Variants in ENOSF1 observed in about 807,000 individuals in gnomAD.
The protein encoded by ENOSF1 is enolase superfamily member 1.
Under a neutral mutation model 68.2 loss-of-function variants are expected in ENOSF1, and 73 were observed. That is an observed-to-expected ratio of 1.07 (90% CI 0.89 to 1.30). The LOEUF is 1.30. ENOSF1 is among the 50% of genes most tolerant of loss of function. ENOSF1 has a pLI of 0.00. For synonymous variants in ENOSF1, 223 were observed against 210.4 expected (o/e 1.06, Z -0.52); for missense variants, 589 against 554.5 (o/e 1.06, Z -0.62).
At chr18:706,240 G>C (rs188987100) in intron 2 of ENOSF1, among the ~76,000 whole-genome samples, 194 of 152,160 alleles carry the variant, frequency 1.3e-3, no homozygotes, top group Non-Finnish European at 2.1e-3. Flanking sequence ...TTTTCTAACA[G>C]GCTAGAGATG....
intron 14 of ENOSF1, among the ~76,000 whole-genome samples, chr18:675,885 A>T (rs1296628651): frequency 6.6e-6 from 1 of 152,084 alleles, no homozygotes; most frequent in Non-Finnish European, 1.5e-5. Context: ...AGGAAGCATT[A>T]GCACTGTGAG....
In ENOSF1 at chr18:674,348, T is replaced by C; in HGVS notation, c.1289A>G (p.Asp430Gly). ...AAGGAGTTTCTTCCAAACTTCACCA[T>C]CTGGATACTGGTGTTTCTTTACAGA... ...EESVKKHQYP[D>G]GEVWKKLLPA... The change falls in exon 16 of 16, where the codon GAT (aspartate) becomes GGT (glycine). Residue 430 changes from aspartate (D) to glycine (G), a missense_variant. Physicochemically the swap from Asp to Gly is moderately conservative, Grantham distance 94. Coordinates refer to ENST00000647584, the MANE Select transcript of ENOSF1 (RefSeq NM_017512.7). 6.2e-7 allele frequency: 1 copy of C among 1,612,836 alleles called. No homozygotes were observed. The highest frequency in any genetic ancestry group is 8.5e-7 in the Non-Finnish European group (1 of 1,179,512).
At chr18:668,985 G>C, downstream of ENOSF1, 4 of 1,117,202 alleles carry the variant, frequency 3.6e-6, no homozygotes, top group Non-Finnish European at 5.3e-6. Flanking sequence ...CCCTGGGTAA[G>C]AGACTGTAAT....
Position 688,600 on chromosome 18 carries a change from G to C in ENOSF1, c.627C>G (p.Ala209=), listed in dbSNP as rs1488168368. The part of the protein sequence containing the change: ...YSDDTLKQLC[A]QALKDGWTRF... ...TGGTCCAGCCATCCTTCAGCGCCTG[G>C]GCACAGAGCTGTGGGAAAGGAGCAC... Residue 209 remains alanine, a synonymous_variant, in exon 9 of 16, where the codon GCC becomes GCG. Transcript: ENST00000647584. The C allele has an allele frequency of 6.2e-7, 1 of 1,614,042 alleles. No homozygotes were observed. The highest frequency in any genetic ancestry group is 1.7e-5 in the Admixed American group (1 of 60,008).
chr18:703,973 G>A (rs1474039959), intron 2 of ENOSF1, among the ~76,000 whole-genome samples: 1 of 152,070 alleles, frequency 6.6e-6, no homozygotes, highest in African/African-American at 2.4e-5. Context: ...GACATAGGAC[G>A]TGCCTGCTCC....
chr18:684,654 AG>A (rs1490087970), intron 10 of ENOSF1, among the ~76,000 whole-genome samples: 1 of 152,168 alleles, frequency 6.6e-6, no homozygotes, highest in Non-Finnish European at 1.5e-5. Flanking sequence ...GGTGAGTTCA[AG>A]TCCAGTCCTC....
At chr18:668,996 A>G, downstream of ENOSF1, 1 of 1,242,264 alleles carries the variant, frequency 8.0e-7, no homozygotes, top group Non-Finnish European at 1.2e-6. Flanking sequence ...AGACTGTAAT[A>G]GATGACCTCT....
chr18:692,886 AG>A, intron 5 of ENOSF1: 1 of 1,106,514 alleles, frequency 9.0e-7, no homozygotes, highest in Non-Finnish European at 1.1e-6. Flanking sequence ...CCTCCGGAGG[AG>A]GAGCAGTCTC....
intron 1 of ENOSF1, among the ~76,000 whole-genome samples, chr18:709,266 C>G (rs1005145836): frequency 6.6e-6 from 1 of 151,730 alleles, no homozygotes; most frequent in Non-Finnish European, 1.5e-5. Flanking sequence ...GTAGGGAGAC[C>G]GGAAAGACAC....
At chr18:676,962 C>G (rs2075578494) in intron 14 of ENOSF1, among the ~76,000 whole-genome samples, 1 of 152,196 alleles carries the variant, frequency 6.6e-6, no homozygotes, top group South Asian at 2.1e-4. Flanking sequence ...AAAAGCCCAC[C>G]TGGGGCGTTC....
intron 11 of ENOSF1, among the ~76,000 whole-genome samples, chr18:679,748 G>A (rs1461619872): frequency 6.6e-6 from 1 of 151,980 alleles, no homozygotes; most frequent in African/African-American, 2.4e-5. Context: ...TCCGTCACCT[G>A]CCACCTGGAC....
intron 3 of ENOSF1, among the ~76,000 whole-genome samples, chr18:694,808 T>TTCTCTC (rs145085795): frequency 8.6e-5 from 13 of 151,216 alleles, no homozygotes; most frequent in African/African-American, 1.9e-4. Flanking sequence ...CCTCTCTTCT[T>TTCTCTC]TCTCTCTCTC....
At chr18:664,136 T>C in the ENOSF1 span, among the ~76,000 whole-genome samples, 2 of 151,886 alleles carry the variant, frequency 1.3e-5, no homozygotes, top group South Asian at 4.2e-4. Flanking sequence ...ATATTGATTC[T>C]TCCTACCCAT....
intron 2 of ENOSF1, among the ~76,000 whole-genome samples, chr18:702,276 A>AAAC (rs1555670358): frequency 1.3e-5 from 2 of 149,844 alleles, no homozygotes; most frequent in Non-Finnish European, 3.0e-5. Flanking sequence ...AAAAAAAAAA[A>AAAC]AAAAAAAAAA....
At chr18:678,854 G>T in intron 11 of ENOSF1, 117 bp from the exon 12 acceptor site, 1 of 1,038,160 alleles carries the variant, frequency 9.6e-7, no homozygotes, top group Non-Finnish European at 1.5e-6. Context: ...CCATGTGAAG[G>T]CTCAAGACTG....
Position 694,308 on chromosome 18 carries a change from G to A in ENOSF1, c.336C>T (p.His112=). 2.5e-6 allele frequency: 4 copies of A among 1,614,156 alleles called. No homozygotes were observed. Among genetic ancestry groups the A allele is most frequent in the Non-Finnish European group, 3.4e-6 (4 of 1,180,042 alleles). ...CGTTTAGGACGGCCGCTGTCGCCAG[G>A]TGCACCACGCCCTTTTCTGGACCAA... ...RWIGPEKGVV[H]LATAAVLNAV... The change falls in exon 4 of 16, where the codon CAC becomes CAT. Residue 112 remains histidine, a synonymous_variant. Transcript: ENST00000647584.
chr18:705,355 G>C (rs996930163), intron 2 of ENOSF1, among the ~76,000 whole-genome samples: 4 of 151,970 alleles, frequency 2.6e-5, no homozygotes, highest in African/African-American at 9.7e-5. Flanking sequence ...TGTACCATGT[G>C]TAAGTATTAT....
chr18:674,462 T>C, intron 15 of ENOSF1, 56 bp from the exon 16 acceptor site: 1 of 1,094,566 alleles, frequency 9.1e-7, no homozygotes, highest in South Asian at 1.3e-5. Flanking sequence ...CAAAAACAGA[T>C]TTTATGCATT....
intron 2 of ENOSF1, among the ~76,000 whole-genome samples, chr18:698,241 T>C (rs1020532200): frequency 4.6e-5 from 7 of 152,238 alleles, no homozygotes; most frequent in Non-Finnish European, 8.8e-5. Flanking sequence ...AGTTTAAATA[T>C]AAATGTTCCC....
Sources: allele counts gnomAD v4.1 joint callset (sites outside exome capture counted in the v4.1 genomes callset), GRCh38; gene constraint gnomAD v4.1.1; transcripts MANE v1.5; gene names NCBI Gene and HGNC (gene_info 2026-07-23, HGNC 2026-07-21).